CNTNAP5: variants seen among roughly 807,000 people sequenced by gnomAD.
CNTNAP5 encodes contactin associated protein family member 5.
In CNTNAP5, 72 loss-of-function variants were observed where a neutral mutation model predicts 150.2. The ratio of observed to expected loss-of-function variants is 0.48; its 90% CI spans 0.40 to 0.58. The LOEUF (loss-of-function observed/expected upper bound fraction) is 0.58. CNTNAP5 is among the 20% of genes least tolerant of loss of function. The pLI is 0.00. For synonymous variants in CNTNAP5, 672 were observed against 619.8 expected (o/e 1.08, Z -1.25); for missense variants, 1,636 against 1,626.2 (o/e 1.01, Z -0.10).
At chr2:124,584,597 A>G (rs956510318) in intron 11 of CNTNAP5, among the ~76,000 whole-genome samples, 1 of 152,194 alleles carries the variant, frequency 6.6e-6, no homozygotes, top group Non-Finnish European at 1.5e-5. Context: ...TGAAAAATAG[A>G]CATTCACCAA....
intron 3 of CNTNAP5, among the ~76,000 whole-genome samples, chr2:124,336,905 G>A (rs111374892): frequency 0.035 from 5,336 of 152,146 alleles, 156 homozygotes; most frequent in Non-Finnish European, 0.043. Flanking sequence ...TGGGATGGCT[G>A]GGTCAAATGG....
intron 1 of CNTNAP5, among the ~76,000 whole-genome samples, chr2:124,181,038 A>T (rs1296207591): frequency 2.7e-5 from 4 of 148,986 alleles, no homozygotes; most frequent in African/African-American, 4.9e-5. Context: ...GCCAGAATTT[A>T]AAAAAAAAAA....
intron 3 of CNTNAP5, among the ~76,000 whole-genome samples, chr2:124,260,722 G>A (rs941274131): frequency 2.7e-4 from 41 of 152,274 alleles, no homozygotes; most frequent in African/African-American, 9.6e-4. Context: ...GGTTTTGGAT[G>A]AGAGAGGTAC....
rs778186839 is a variant in CNTNAP5 at position 124,401,941 on chromosome 2, CT to C, written c.382-15501del. ...GTCACTTAATGGAAGACATTACCCC[CT>C]GCAACCTTCACGGGTTTACTGAGTA... is the stretch of plus-strand genomic sequence containing the variant. On this transcript the variant is annotated intron_variant, in intron 3 of 23. Transcript: ENST00000682447. Among the ~76,000 whole-genome samples the C allele has an allele frequency of 2.7e-3, 405 of 152,204 alleles. 2 individuals are homozygous for C. The highest frequency in any genetic ancestry group is 4.8e-3 in the Non-Finnish European group (328 of 68,000).
At chr2:124,370,087 T>C (rs1690484965) in intron 3 of CNTNAP5, among the ~76,000 whole-genome samples, 1 of 152,206 alleles carries the variant, frequency 6.6e-6, no homozygotes, top group Non-Finnish European at 1.5e-5. Flanking sequence ...TAGATTATTC[T>C]AGAGATGCAA....
At chr2:124,677,064 T>C (rs34299668) in intron 13 of CNTNAP5, among the ~76,000 whole-genome samples, 39,366 of 152,018 alleles carry the variant, frequency 0.26, 5,524 homozygotes, top group African/African-American at 0.37. Flanking sequence ...AGAATAAAGC[T>C]GCAGACCCTC....
chr2:124,256,426 A>G (rs537763063), intron 3 of CNTNAP5, among the ~76,000 whole-genome samples: 1 of 152,192 alleles, frequency 6.6e-6, no homozygotes, highest in Admixed American at 6.6e-5. Flanking sequence ...GCATGAGGAA[A>G]GGCCTATCGA....
chr2:124,477,803 T>C (rs1437867188), intron 7 of CNTNAP5, among the ~76,000 whole-genome samples: 1 of 152,072 alleles, frequency 6.6e-6, no homozygotes, highest in East Asian at 1.9e-4. Flanking sequence ...CAGATTGTGA[T>C]TGGAGCAGGG....
At chr2:124,735,781 A>AT (rs1680369454) in intron 13 of CNTNAP5, among the ~76,000 whole-genome samples, 2 of 152,138 alleles carry the variant, frequency 1.3e-5, no homozygotes, top group African/African-American at 4.8e-5. Flanking sequence ...GTTAGCTACC[A>AT]TTTTTTATCT....
At chr2:124,415,510 T>C (rs1691894920) in intron 3 of CNTNAP5, among the ~76,000 whole-genome samples, 1 of 152,178 alleles carries the variant, frequency 6.6e-6, no homozygotes, top group Non-Finnish European at 1.5e-5. Context: ...TCTTTGAAAA[T>C]GGATTTCATT....
intron 1 of CNTNAP5, among the ~76,000 whole-genome samples, chr2:124,216,675 T>C (rs1487645896): frequency 6.6e-6 from 1 of 152,162 alleles, no homozygotes; most frequent in Non-Finnish European, 1.5e-5. Flanking sequence ...TTGCTGAGAA[T>C]GATAGTTTCC....
chr2:124,336,907 G>A (rs1240436958), intron 3 of CNTNAP5, among the ~76,000 whole-genome samples: 1 of 152,096 alleles, frequency 6.6e-6, no homozygotes, highest in Admixed American at 6.5e-5. Flanking sequence ...GGATGGCTGG[G>A]TCAAATGGTA....
At chr2:124,820,510 T>C (rs1279223152) in intron 19 of CNTNAP5, among the ~76,000 whole-genome samples, 1 of 143,012 alleles carries the variant, frequency 7.0e-6, no homozygotes, top group Admixed American at 6.9e-5. Context: ...TTAGGAGAAA[T>C]AGAAGAAGGA....
chr2:124,206,190 C>T lies in CNTNAP5; in HGVS notation c.83-15515C>T, dbSNP rs547715995. 5.3e-5 allele frequency among the ~76,000 whole-genome samples: 8 copies of T among 152,308 alleles called. No homozygotes were observed. In the East Asian group the frequency reaches 1.5e-3, roughly 29 times the overall value. The stretch of plus-strand genomic sequence containing the variant: ...CCTTGGGCAGAGCTAGTGCCAATCC[C>T]AGCACTGTGACCTTGAGCAAGTTAC... On this transcript the variant is annotated intron_variant, in intron 1 of 23. Transcript: ENST00000682447.
At chr2:124,820,299 T>C (rs942449291) in intron 19 of CNTNAP5, among the ~76,000 whole-genome samples, 6 of 152,128 alleles carry the variant, frequency 3.9e-5, no homozygotes, top group African/African-American at 9.7e-5. Flanking sequence ...CCATTTACAG[T>C]AAATGTCCCA....
rs1383304689 is a variant in CNTNAP5 at position 124,919,194 on chromosome 2, C to T, written c.*4906C>T. On this transcript the variant is annotated 3_prime_UTR_variant, in exon 24 of 24. Transcript: ENST00000682447. The stretch of plus-strand genomic sequence containing the variant: ...TTATTCAACTTTTCTCTTGAACATT[C>T]TACATACATATCTGTTTGGTAGGGA... 6.6e-6 allele frequency among the ~76,000 whole-genome samples: 1 copy of T among 152,184 alleles called. No homozygotes were observed. Among genetic ancestry groups the T allele is most frequent in the African/African-American group, 2.4e-5 (1 of 41,554 alleles).
chr2:124,811,713 G>GGT (rs1682226414), intron 19 of CNTNAP5, among the ~76,000 whole-genome samples: 1 of 149,990 alleles, frequency 6.7e-6, no homozygotes, highest in African/African-American at 2.5e-5. Context: ...AGGCGGGGGG[G>GGT]GTGGATCACC....
At chr2:124,314,313 C>G (rs997272761) in intron 3 of CNTNAP5, among the ~76,000 whole-genome samples, 4 of 152,148 alleles carry the variant, frequency 2.6e-5, no homozygotes, top group African/African-American at 9.7e-5. Flanking sequence ...AAACATAGCT[C>G]AAATTCAAAA....
At chr2:124,406,250 G>T (rs1835353) in intron 3 of CNTNAP5, among the ~76,000 whole-genome samples, 23,537 of 152,170 alleles carry the variant, frequency 0.15, 1,942 homozygotes, top group Non-Finnish European at 0.19. Context: ...TCTCAGTGAA[G>T]GTACTGTGTG....
Sources: gnomAD v4.1 joint callset for allele counts (sites outside exome capture counted in the v4.1 genomes callset) on GRCh38, gnomAD v4.1.1 for gene constraint, MANE v1.5 for transcripts, NCBI Gene and HGNC (gene_info 2026-07-23, HGNC 2026-07-21) for gene names.